Variants in GRIP1 observed in about 807,000 individuals in gnomAD.
The protein encoded by GRIP1 is glutamate receptor interacting protein 1.
GRIP1 carries 45 observed loss-of-function variants against 129.9 expected under a neutral mutation model. That is an observed-to-expected ratio of 0.35 (90% CI 0.27 to 0.44). The LOEUF (loss-of-function observed/expected upper bound fraction) is 0.44, where lower values mean the gene tolerates loss of function less well. GRIP1 is among the 20% of genes least tolerant of loss of function. The pLI, the probability that GRIP1 is intolerant of heterozygous loss-of-function variation, is 1.00. For missense variants in GRIP1, 1,196 were observed against 1,396.8 expected, an observed-to-expected ratio of 0.86 and a Z score of 2.29; for synonymous variants, 530 against 520.8, an observed-to-expected ratio of 1.02 and a Z score of -0.24.
chr12:66,618,678 A>G (rs1338362761), intron 1 of GRIP1, among the ~76,000 whole-genome samples: 1 of 152,272 alleles, frequency 6.6e-6, no homozygotes, highest in African/African-American at 2.4e-5. Flanking sequence ...AAAGATTAAC[A>G]TTGAAAGACA....
At chr12:66,832,309 A>G (rs2039533574) in intron 1 of GRIP1, among the ~76,000 whole-genome samples, 1 of 152,208 alleles carries the variant, frequency 6.6e-6, no homozygotes, top group Non-Finnish European at 1.5e-5. Context: ...CATGAGCACA[A>G]TGCCTTATGT....
intron 19 of GRIP1, among the ~76,000 whole-genome samples, chr12:66,389,237 A>T (rs2056482480): frequency 6.6e-6 from 1 of 152,074 alleles, no homozygotes; most frequent in South Asian, 2.1e-4. Flanking sequence ...TTTTTGTTTT[A>T]ATTTTTTTTG....
intron 1 of GRIP1, among the ~76,000 whole-genome samples, chr12:66,905,144 T>C (rs947639390): frequency 6.6e-6 from 1 of 152,214 alleles, no homozygotes; most frequent in South Asian, 2.1e-4. Flanking sequence ...AATTGTAATA[T>C]ATAAACAAAT....
intron 13 of GRIP1, among the ~76,000 whole-genome samples, chr12:66,440,658 T>A (rs2058446912): frequency 6.6e-6 from 1 of 152,188 alleles, no homozygotes. Flanking sequence ...CCTTTGTGGA[T>A]CTGATTCCAT....
chr12:66,744,386 C>T (rs939024736), intron 1 of GRIP1, among the ~76,000 whole-genome samples: 9 of 152,002 alleles, frequency 5.9e-5, no homozygotes, highest in Admixed American at 2.0e-4. Flanking sequence ...ACACTGTGCC[C>T]GGGAGATAAT....
At chr12:67,041,183 A>T (rs1175505443) in intron 1 of GRIP1, among the ~76,000 whole-genome samples, 1 of 152,168 alleles carries the variant, frequency 6.6e-6, no homozygotes, top group Non-Finnish European at 1.5e-5. Context: ...ATGTACACAT[A>T]TACAAATATA....
chr12:66,697,570 G>A (rs2035206210), intron 1 of GRIP1, among the ~76,000 whole-genome samples: 1 of 152,092 alleles, frequency 6.6e-6, no homozygotes, highest in Non-Finnish European at 1.5e-5. Flanking sequence ...GGCTCAATTT[G>A]GGGCAGTCAC....
At chr12:66,801,409 T>C (rs1433813711) in intron 1 of GRIP1, among the ~76,000 whole-genome samples, 1 of 152,064 alleles carries the variant, frequency 6.6e-6, no homozygotes, top group Non-Finnish European at 1.5e-5. Flanking sequence ...TAAAACTGAG[T>C]TTTGATGGAA....
chr12:66,671,195 T>C (rs1715809089), intron 1 of GRIP1, among the ~76,000 whole-genome samples: 1 of 152,128 alleles, frequency 6.6e-6, no homozygotes, highest in Non-Finnish European at 1.5e-5. Flanking sequence ...AAATAGGAGA[T>C]TTTAGACTCA....
At chr12:67,037,938 T>C (rs963278229) in intron 1 of GRIP1, among the ~76,000 whole-genome samples, 7 of 152,334 alleles carry the variant, frequency 4.6e-5, no homozygotes, top group Middle Eastern at 6.8e-3. Context: ...GTGTGATTAA[T>C]AGGACTAAAA....
chr12:67,019,972 CAGTT>C (rs1191107623), intron 1 of GRIP1, among the ~76,000 whole-genome samples: 2 of 152,164 alleles, frequency 1.3e-5, no homozygotes, highest in Non-Finnish European at 2.9e-5. Flanking sequence ...CTCTTGAACT[CAGTT>C]AAAGACTTCC....
intron 2 of GRIP1, among the ~76,000 whole-genome samples, chr12:66,571,954 C>G (rs2062973759): frequency 6.6e-6 from 1 of 152,120 alleles, no homozygotes; most frequent in Non-Finnish European, 1.5e-5. Flanking sequence ...AGGATGAATG[C>G]AGAAGTAGGG....
At position 66,816,760 on chromosome 12, in the gene GRIP1, A is replaced by G. The variant is rs58763305; in HGVS notation, c.59-219833T>C. ...ATGAAAATTTTCTGAATGACAAGAA[A>G]CAAGAATTCTAACAGTAGACTTTGA... On this transcript the variant is annotated intron_variant, in intron 1 of 1. Coordinates refer to the GRIP1 transcript ENST00000643019. Among the ~76,000 whole-genome samples the G allele has an allele frequency of 2.8e-3, 427 of 152,292 alleles. 5 individuals are homozygous for G. Among genetic ancestry groups the G allele is most frequent in the African/African-American group, 9.6e-3 (400 of 41,566 alleles).
intron 1 of GRIP1, among the ~76,000 whole-genome samples, chr12:66,817,554 C>T (rs917326184): frequency 6.6e-6 from 1 of 152,016 alleles, no homozygotes; most frequent in African/African-American, 2.4e-5. Flanking sequence ...GGATTACAGG[C>T]ACCTGCCACC....
intron 7 of GRIP1, among the ~76,000 whole-genome samples, chr12:66,475,007 T>G (rs2059561325): frequency 1.3e-5 from 2 of 152,304 alleles, no homozygotes; most frequent in African/African-American, 2.4e-5. Context: ...ATGGGCTAAA[T>G]GCTCCAATTA....
intron 23 of GRIP1, among the ~76,000 whole-genome samples, chr12:66,358,688 A>C (rs989840509): frequency 1.3e-5 from 2 of 151,962 alleles, no homozygotes; most frequent in Admixed American, 1.3e-4. Flanking sequence ...ACCTAAAATG[A>C]GCTCCTGACC....
At chr12:66,634,938 T>A (rs938208372) in intron 1 of GRIP1, among the ~76,000 whole-genome samples, 10 of 152,228 alleles carry the variant, frequency 6.6e-5, no homozygotes, top group Admixed American at 6.5e-5. Context: ...AGTCTTTCTT[T>A]ATAGCATCTA....
chr12:66,598,976 A>C (rs568060342), intron 1 of GRIP1, among the ~76,000 whole-genome samples: 7,008 of 152,278 alleles, frequency 0.046, 183 homozygotes, highest in African/African-American at 0.064. Flanking sequence ...TTCTTTAGAA[A>C]TGTACCCAGT....
intron 1 of GRIP1, among the ~76,000 whole-genome samples, chr12:66,785,343 C>CATACATACATATATATATAT (rs377630345): frequency 1.3e-3 from 97 of 72,768 alleles, no homozygotes; most frequent in East Asian, 7.9e-3. Context: ...TACATACATA[C>CATACATACATATATATATAT]ATATATATAT....
Sources: gnomAD v4.1 joint callset for allele counts (sites outside exome capture counted in the v4.1 genomes callset) on GRCh38, gnomAD v4.1.1 for gene constraint, MANE v1.5 for transcripts, NCBI Gene and HGNC (gene_info 2026-07-23, HGNC 2026-07-21) for gene names.